The following PDE6D variants were observed in gnomAD, a reference collection of about 807,000 sequenced individuals.
PDE6D encodes the protein phosphodiesterase 6D.
Under a neutral mutation model 21.9 loss-of-function variants are expected in PDE6D, and 10 were observed. The observed-to-expected ratio is 0.46, with a 90% CI of 0.28 to 0.78. PDE6D has a LOEUF of 0.78. Among genes scored for constraint, PDE6D ranks in the 30% least tolerant of loss-of-function variants. The pLI is 0.12. For synonymous variants in PDE6D, 59 were observed against 63.5 expected, an observed-to-expected ratio of 0.93 and a Z score of 0.34; for missense variants, 139 against 184.8, an observed-to-expected ratio of 0.75 and a Z score of 1.44.
At chr2:231,780,652 A>AAAG (rs1378616896) in intron 1 of PDE6D, among the ~76,000 whole-genome samples, 2 of 152,082 alleles carry the variant, frequency 1.3e-5, no homozygotes, top group Admixed American at 1.3e-4. Flanking sequence ...GCTTATAGCC[A>AAAG]AAGAGGCTTC....
chr2:231,757,656 T>A (rs2048893779), intron 1 of PDE6D, among the ~76,000 whole-genome samples: 1 of 152,206 alleles, frequency 6.6e-6, no homozygotes, highest in African/African-American at 2.4e-5. Context: ...AATTCAGTTA[T>A]CCTGGGTCAG....
intron 1 of PDE6D, among the ~76,000 whole-genome samples, chr2:231,748,722 A>G (rs936118259): frequency 3.3e-5 from 5 of 152,204 alleles, no homozygotes; most frequent in Non-Finnish European, 7.3e-5. Context: ...GGCTGGGCCC[A>G]GGTTCCCCAT....
intron 1 of PDE6D, among the ~76,000 whole-genome samples, chr2:231,767,050 G>C (rs1007891027): frequency 1.4e-5 from 2 of 147,288 alleles, no homozygotes; most frequent in African/African-American, 5.0e-5. Context: ...GTTTTTCAGT[G>C]TCATCTGGGG....
chr2:231,769,512 T>G (rs1409557949), intron 1 of PDE6D, among the ~76,000 whole-genome samples: 2 of 151,010 alleles, frequency 1.3e-5, no homozygotes, highest in East Asian at 3.9e-4. Flanking sequence ...TACAATTTGC[T>G]CTCTCTCTCT....
At chr2:231,779,458 T>C (rs1015820856) in intron 1 of PDE6D, 1 of 148,954 alleles carries the variant, frequency 6.7e-6, no homozygotes, top group Admixed American at 6.8e-5. Flanking sequence ...GATGAAAACG[T>C]TGCTTCTGAA....
chr2:231,763,638 CTT>C (rs756344566), intron 1 of PDE6D, among the ~76,000 whole-genome samples: 48 of 135,352 alleles, frequency 3.5e-4, no homozygotes, highest in Non-Finnish European at 3.2e-4. Context: ...CTTTTTTTTT[CTT>C]TTTTTTTTTT....
In PDE6D at chr2:231,770,602, G is replaced by C. The variant is rs373117485; in HGVS notation, c.50+10463C>G. Among the ~76,000 whole-genome samples, 15 of 152,236 alleles carry C rather than the reference G, an allele frequency of 9.9e-5. No individual in the cohort carries two copies. The South Asian group carries it at 2.7e-3, about 27-fold the overall frequency. On this transcript the variant is annotated intron_variant, in intron 1 of 4. Coordinates refer to ENST00000287600, the MANE Select transcript of PDE6D (RefSeq NM_002601.4). ...GGAGGCCAAGGCAGTCAGATCACTT[G>C]AGCCCAAGAGTTCAAGACCAGCCTG...
intron 1 of PDE6D, among the ~76,000 whole-genome samples, chr2:231,745,227 C>CAAAA (rs1345230326): frequency 1.4e-5 from 2 of 142,732 alleles, no homozygotes; most frequent in Non-Finnish European, 1.5e-5. Context: ...AAAACAAAAA[C>CAAAA]ACACAAAAAA....
intron 4 of PDE6D, among the ~76,000 whole-genome samples, chr2:231,735,260 T>A (rs1270551435): frequency 6.9e-6 from 1 of 144,760 alleles, no homozygotes; most frequent in Non-Finnish European, 1.5e-5. Context: ...AAAAAAAAAA[T>A]CTACTTTTAA....
chr2:231,780,911 C>G (rs1255807847), intron 1 of PDE6D, among the ~76,000 whole-genome samples, 154 bp downstream of exon 1: 1 of 152,108 alleles, frequency 6.6e-6, no homozygotes, highest in Non-Finnish European at 1.5e-5. Flanking sequence ...CGCCGGGTCC[C>G]GCCGGGTGCT....
Position 231,770,756 on chromosome 2 carries a change from G to A in PDE6D, c.50+10309C>T, listed in dbSNP as rs562604644. On this transcript the variant is annotated intron_variant, in intron 1 of 4. Transcript: ENST00000287600. ...TCACCTGAGGTCAGGAGTTTGAGAC[G>A]GGTCTGGCCAACGTGGTGAAACCCT... 4.6e-5 allele frequency among the ~76,000 whole-genome samples: 7 copies of A among 152,118 alleles called. No individual in the cohort carries two copies. In the East Asian group the frequency reaches 1.4e-3, roughly 29 times the overall value.
chr2:231,755,135 AC>A (rs773899674), intron 1 of PDE6D, among the ~76,000 whole-genome samples: 2 of 152,196 alleles, frequency 1.3e-5, no homozygotes, highest in Non-Finnish European at 2.9e-5. Context: ...GAAGGCTCTC[AC>A]CAAAACCTGA....
intron 1 of PDE6D, among the ~76,000 whole-genome samples, chr2:231,746,609 G>A (rs1244593431): frequency 6.6e-6 from 1 of 152,170 alleles, no homozygotes; most frequent in East Asian, 1.9e-4. Context: ...AATGGAAATA[G>A]TCAACATCAT....
rs760857979 is a variant in PDE6D, at chr2:231,739,112, C to G, written c.127G>C (p.Val43Leu). 6.2e-7 allele frequency: 1 copy of G among 1,610,114 alleles called. No homozygotes were observed. The highest frequency in any genetic ancestry group is 2.2e-5 in the East Asian group (1 of 44,858). ...QGTEDLSVPG[V>L]EHEARVPKKI... ...GGTTGGAAAGTACCTTCATGCTCCA[C>G]ACCAGGGACAGACAGGTCTTCTGTT... Residue 43 changes from valine to leucine, a missense_variant, in exon 2 of 5, where the codon GTG becomes CTG. Physicochemically the swap from Val to Leu is conservative, Grantham distance 32 (BLOSUM62 1). Transcript: ENST00000287600. This position sits in a 1 kb window ranked among gnomAD's most constrained non-coding sequence, Gnocchi z 4.2.
At chr2:231,738,441 T>C (rs948102184) in intron 2 of PDE6D, among the ~76,000 whole-genome samples, 1 of 152,190 alleles carries the variant, frequency 6.6e-6, no homozygotes, top group African/African-American at 2.4e-5. Context: ...GCTGCATGGG[T>C]ACCTTCTCTC....
chr2:231,741,480 CCT>C, intron 1 of PDE6D, among the ~76,000 whole-genome samples: 1 of 152,212 alleles, frequency 6.6e-6, no homozygotes, highest in Admixed American at 6.5e-5. Context: ...AAGGGAGTCC[CCT>C]GAGTGACAGT....
At chr2:231,735,887 G>T (rs2048696774) in intron 4 of PDE6D, among the ~76,000 whole-genome samples, 1 of 151,960 alleles carries the variant, frequency 6.6e-6, no homozygotes, top group Non-Finnish European at 1.5e-5. Context: ...AAATTAACCG[G>T]TGTGGTGGTG....
rs148749558 is a variant in PDE6D, at chr2:231,758,669, A to G, written c.51-19481T>C. The stretch of plus-strand genomic sequence containing the variant: ...TCCACTGAAGCCAGGGTGGGGAACC[A>G]TGACTTGACAAAGTGTCTCCTAATC... On this transcript the variant is annotated intron_variant, in intron 1 of 4. Transcript: ENST00000287600. Among the ~76,000 whole-genome samples the G allele has an allele frequency of 6.5e-3, 984 of 152,298 alleles. 8 individuals are homozygous for G. Among genetic ancestry groups the G allele is most frequent in the Non-Finnish European group, 0.011 (747 of 68,030 alleles).
At chr2:231,759,576 T>A (rs937616747) in intron 1 of PDE6D, among the ~76,000 whole-genome samples, 13 of 152,136 alleles carry the variant, frequency 8.5e-5, no homozygotes, top group African/African-American at 3.1e-4. Flanking sequence ...TGGAAAGGGA[T>A]AGAGAAGCAC....
Sources: gnomAD v4.1 joint callset for allele counts (sites outside exome capture counted in the v4.1 genomes callset) on GRCh38, gnomAD v4.1.1 for gene constraint, Gnocchi (gnomAD v3.1) non-coding constraint, MANE v1.5 for transcripts, NCBI Gene and HGNC (gene_info 2026-07-23, HGNC 2026-07-21) for gene names.